The following CREB5 variants were observed in gnomAD, a reference collection of about 807,000 sequenced individuals.
CREB5 encodes cAMP responsive element binding protein 5.
A neutral mutation model predicts 57.1 loss-of-function variants in CREB5; 19 were observed. The ratio of observed to expected loss-of-function variants is 0.33; its 90% CI spans 0.23 to 0.49. The LOEUF is 0.49. CREB5 is among the 20% of genes least tolerant of loss of function. The pLI is 0.99. For missense variants in CREB5, 579 were observed against 671.6 expected (o/e 0.86, Z 1.52); for synonymous variants, 238 against 238.3 (o/e 1.00, Z 0.01).
chr7:28,332,738 C>T (rs1785740086), intron 1 of CREB5, among the ~76,000 whole-genome samples: 1 of 152,142 alleles, frequency 6.6e-6, no homozygotes, highest in African/African-American at 2.4e-5. Context: ...CTGTAGTCTG[C>T]TTTTTTCCCT....
rs573203892 is a variant in CREB5, at chr7:28,538,646, T to C, written c.291+30909T>C. ...TAATTTCTACTTTCTCTGGGTGTAA[T>C]TTGCCCTTCTTTTTGTAACTTCTTA... is the stretch of plus-strand genomic sequence containing the variant. On this transcript the variant is annotated intron_variant, in intron 4 of 10. Transcript: ENST00000357727. 3.3e-5 allele frequency among the ~76,000 whole-genome samples: 5 copies of C among 152,326 alleles called. 1 individual carries two copies. The South Asian group carries it at 1.0e-3, about 32-fold the overall frequency.
chr7:28,660,884 T>G (rs1294366729), intron 5 of CREB5, among the ~76,000 whole-genome samples: 1 of 152,208 alleles, frequency 6.6e-6, no homozygotes, highest in Non-Finnish European at 1.5e-5. Flanking sequence ...ACATTCCCCC[T>G]CCTTGCTCTT....
intron 5 of CREB5, among the ~76,000 whole-genome samples, chr7:28,622,228 C>G (rs1257341112): frequency 6.7e-6 from 1 of 150,092 alleles, no homozygotes; most frequent in Non-Finnish European, 1.5e-5. Context: ...TGAATTCTTA[C>G]ACATATACAC....
At chr7:28,340,821 T>G (rs1785922038) in intron 1 of CREB5, among the ~76,000 whole-genome samples, 1 of 152,180 alleles carries the variant, frequency 6.6e-6, no homozygotes, top group African/African-American at 2.4e-5. Flanking sequence ...ACCACTGGGA[T>G]GGGTGATTCC....
chr7:28,630,073 C>A (rs1798146822), intron 5 of CREB5, among the ~76,000 whole-genome samples: 1 of 152,206 alleles, frequency 6.6e-6, no homozygotes, highest in South Asian at 2.1e-4. Flanking sequence ...ACTGTGGACT[C>A]ACTGCTCATG....
At chr7:28,638,609 A>G (rs895363342) in intron 5 of CREB5, among the ~76,000 whole-genome samples, 6 of 152,154 alleles carry the variant, frequency 3.9e-5, no homozygotes, top group Non-Finnish European at 8.8e-5. Context: ...AGCCTCCCAA[A>G]GTACTAGGAC....
intron 1 of CREB5, among the ~76,000 whole-genome samples, chr7:28,479,328 G>A (rs1284502363): frequency 1.3e-5 from 2 of 152,138 alleles, no homozygotes; most frequent in South Asian, 2.1e-4. Context: ...AAATGCCAGG[G>A]TGACCCCCTT....
At chr7:28,752,759 C>T (rs573749939) in intron 7 of CREB5, among the ~76,000 whole-genome samples, 6 of 152,048 alleles carry the variant, frequency 3.9e-5, no homozygotes, top group South Asian at 2.1e-4. Flanking sequence ...TGTTTGTCTT[C>T]GCAAATAATC....
chr7:28,359,167 C>T (rs1216623004), intron 1 of CREB5, among the ~76,000 whole-genome samples: 1 of 149,674 alleles, frequency 6.7e-6, no homozygotes, highest in Admixed American at 6.7e-5. Flanking sequence ...AAATCCCAAA[C>T]CCAAAACGAA....
intron 5 of CREB5, among the ~76,000 whole-genome samples, chr7:28,646,936 A>G (rs1158129382): frequency 6.6e-6 from 1 of 152,080 alleles, no homozygotes; most frequent in African/African-American, 2.4e-5. Context: ...TTGGCCGAAA[A>G]CTAGACTAAC....
chr7:28,373,578 C>T (rs543146497), intron 1 of CREB5, among the ~76,000 whole-genome samples: 2 of 151,690 alleles, frequency 1.3e-5, no homozygotes, highest in Admixed American at 1.3e-4. Context: ...CACATGCTAC[C>T]ATGCCCAGCT....
At chr7:28,566,477 A>G (rs572986067) in intron 4 of CREB5, among the ~76,000 whole-genome samples, 35 of 152,226 alleles carry the variant, frequency 2.3e-4, no homozygotes, top group African/African-American at 8.4e-4. Flanking sequence ...CTTCACATCT[A>G]CCCCTCTGTA....
chr7:28,659,199 T>C (rs1799492901), intron 5 of CREB5, among the ~76,000 whole-genome samples: 1 of 151,924 alleles, frequency 6.6e-6, no homozygotes. Flanking sequence ...CTGAGTAAAG[T>C]CTTTGCAGGC....
At chr7:28,304,497 A>T (rs570898188) in intron 1 of CREB5, among the ~76,000 whole-genome samples, 1 of 152,318 alleles carries the variant, frequency 6.6e-6, no homozygotes, top group African/African-American at 2.4e-5. Flanking sequence ...GCACTTTCTT[A>T]GCCTGCTGGT....
In CREB5 at chr7:28,578,999, T is replaced by C. The variant is rs112087068; in HGVS notation, c.464+8462T>C. Among the ~76,000 whole-genome samples, 681 of 152,336 alleles carry C rather than the reference T, an allele frequency of 4.5e-3. 9 individuals are homozygous for C. The highest frequency in any genetic ancestry group is 0.016 in the African/African-American group (666 of 41,576). On this transcript the variant is annotated intron_variant, in intron 5 of 10. Coordinates refer to ENST00000357727, the MANE Select transcript of CREB5 (RefSeq NM_182898.4). ...TCTGGTATATACAGATGGAATCCTATTTCAATGAGGCAGTGCAACATCATT... is the reference window on the plus strand; with the variant it reads ...TCTGGTATATACAGATGGAATCCTACTTCAATGAGGCAGTGCAACATCATT...
At chr7:28,373,904 C>CATATATATATATATATAT (rs10585117) in intron 1 of CREB5, among the ~76,000 whole-genome samples, 4 of 146,200 alleles carry the variant, frequency 2.7e-5, no homozygotes, top group Non-Finnish European at 6.0e-5. Context: ...TTTCTGCATC[C>CATATATATATATATATAT]ATATATATAT....
At chr7:28,500,217 A>G (rs186819398) in intron 3 of CREB5, among the ~76,000 whole-genome samples, 13 of 152,346 alleles carry the variant, frequency 8.5e-5, no homozygotes, top group Non-Finnish European at 2.9e-5. Context: ...GTTAGTGACA[A>G]GTGCTATGAT....
At chr7:28,461,492 A>T (rs1032274042) in intron 1 of CREB5, among the ~76,000 whole-genome samples, 1 of 152,194 alleles carries the variant, frequency 6.6e-6, no homozygotes, top group African/African-American at 2.4e-5. Context: ...ATTTTCCTGC[A>T]TAAAAGCCTG....
intron 5 of CREB5, among the ~76,000 whole-genome samples, chr7:28,582,128 T>C (rs1344368162): frequency 2.0e-5 from 3 of 152,320 alleles, no homozygotes; most frequent in Admixed American, 2.0e-4. Flanking sequence ...CATTCCTGTC[T>C]GGGTTTTTAT....
Sources: gnomAD v4.1 joint callset for allele counts (sites outside exome capture counted in the v4.1 genomes callset) on GRCh38, gnomAD v4.1.1 for gene constraint, MANE v1.5 for transcripts, NCBI Gene and HGNC (gene_info 2026-07-23, HGNC 2026-07-21) for gene names.